The following FAM98A variants were observed in gnomAD, a reference collection of about 807,000 sequenced individuals.
FAM98A encodes protein FAM98A.
FAM98A carries 25 observed loss-of-function variants against 62.9 expected under a neutral mutation model. The ratio of observed to expected loss-of-function variants is 0.40; its 90% confidence interval spans 0.29 to 0.56. The LOEUF (loss-of-function observed/expected upper bound fraction) is 0.56, where lower values mean the gene tolerates loss of function less well. FAM98A is among the 20% of genes least tolerant of loss of function. The pLI is 0.51. For missense variants in FAM98A, 653 were observed against 640.7 expected (o/e 1.02, Z -0.21); for synonymous variants, 252 against 228.6 (o/e 1.10, Z -0.92).
rs759346950 is a variant in FAM98A, at chr2:33,587,327, C to T, written c.523-7G>A. 6 of 1,597,356 alleles carry T rather than the reference C, an allele frequency of 3.8e-6. No individual in the cohort carries two copies. In the Admixed American group the frequency reaches 1.0e-4, roughly 27 times the overall value. ...TTGCTAATGTTTCCTTTAACTGACA[C>T]AAAAACATAAATAAATGAATAAAAA... On this transcript the variant is annotated splice_polypyrimidine_tract_variant and splice_region_variant and intron_variant, in intron 4 of 7. Transcript: ENST00000238823.
intron 3 of FAM98A, among the ~76,000 whole-genome samples, chr2:33,591,147 A>G (rs1049832206): frequency 4.6e-5 from 7 of 152,178 alleles, no homozygotes; most frequent in Non-Finnish European, 8.8e-5. Flanking sequence ...GGAAGTTACA[A>G]AAGTGATTCT....
rs572315359 is a variant in FAM98A, at chr2:33,599,278, G to T, written c.-57C>A. 1.1e-5 allele frequency: 16 copies of T among 1,429,600 alleles called. No homozygotes were observed. In the South Asian group the frequency reaches 1.7e-4, roughly 15 times the overall value. 88.6% of individuals were successfully genotyped at this position (1,429,600 alleles called of 1,614,324 possible). On this transcript the variant is annotated 5_prime_UTR_variant, in exon 1 of 8. Coordinates refer to ENST00000238823, the MANE Select transcript of FAM98A (RefSeq NM_015475.5). The stretch of plus-strand genomic sequence containing the variant: ...AGGCTCCCCTCTTCGCCGGCAACGC[G>T]TACACTCGCGCATGCGCGACTTCCC...
At chr2:33,594,880 G>A (rs982469328) in intron 2 of FAM98A, among the ~76,000 whole-genome samples, 5 of 152,154 alleles carry the variant, frequency 3.3e-5, no homozygotes, top group African/African-American at 4.8e-5. Context: ...AGATGGTAGA[G>A]TGGTAGGTTC....
Position 33,585,404 on chromosome 2 carries a change from T to G in FAM98A, c.929A>C (p.Asn310Thr). The change falls in exon 8 of 8, where the codon AAT becomes ACT. Residue 310 changes from asparagine (N) to threonine (T), a missense_variant. By Grantham distance (65) the Asn-to-Thr change is moderately conservative (BLOSUM62 0). Coordinates refer to ENST00000238823, the MANE Select transcript of FAM98A (RefSeq NM_015475.5). The stretch of plus-strand genomic sequence containing the variant: ...CTCTGGGGGTGGAGGTTCGATTTCA[T>G]TGGGTCTACCACCTCTGTCAGGCAC... The part of the protein sequence containing the change: ...GRVPDRGGRP[N>T]EIEPPPPEMP... The G allele has an allele frequency of 6.2e-7, 1 of 1,614,162 alleles. No individual in the cohort carries two copies. The highest frequency in any genetic ancestry group is 1.1e-5 in the South Asian group (1 of 91,072).
chr2:33,590,476 C>A (rs1374134028), intron 3 of FAM98A, among the ~76,000 whole-genome samples: 1 of 151,912 alleles, frequency 6.6e-6, no homozygotes, highest in Admixed American at 6.6e-5. Context: ...TAGACCAAGT[C>A]AAAAATGAGT....
chr2:33,598,898 CCAGA>C (rs933017816), intron 1 of FAM98A, among the ~76,000 whole-genome samples: 14 of 152,018 alleles, frequency 9.2e-5, no homozygotes, highest in African/African-American at 2.2e-4. Flanking sequence ...AAATCAGAGC[CCAGA>C]CAATGACACG....
chr2:33,588,454 G>C lies in FAM98A; in HGVS notation c.403C>G (p.Gln135Glu). ...AAGACCTCACTACCGCCTCCTTCTT[G>C]AGCTTTTTTTGGAGGAGCATTCACA... is the stretch of plus-strand genomic sequence containing the variant. ...LCVNAPPKKA[Q>E]EGGGSEVFQE... The change falls in exon 4 of 8, where the codon CAA (glutamine) becomes GAA (glutamate). Residue 135 changes from glutamine to glutamate, a missense_variant. Coordinates refer to ENST00000238823, the MANE Select transcript of FAM98A (RefSeq NM_015475.5). 1 of 1,613,632 alleles carries C rather than the reference G, an allele frequency of 6.2e-7. No homozygotes were observed. Among genetic ancestry groups the C allele is most frequent in the Non-Finnish European group, 8.5e-7 (1 of 1,179,760 alleles).
At position 33,592,234 on chromosome 2, in the gene FAM98A, T is replaced by A; in HGVS notation, c.203-20A>T. ...TCGGACCTTTTAAGAATTAAAATAA[T>A]CTTATTTAATGATAGTGATTATTTT... On this transcript the variant is annotated intron_variant, in intron 2 of 7. Coordinates refer to ENST00000238823, the MANE Select transcript of FAM98A (RefSeq NM_015475.5). 2 of 1,572,796 alleles carry A rather than the reference T, an allele frequency of 1.3e-6. No homozygotes were observed. The highest frequency in any genetic ancestry group is 1.7e-6 in the Non-Finnish European group (2 of 1,149,754).
chr2:33,592,758 G>C (rs1677700119), intron 2 of FAM98A, among the ~76,000 whole-genome samples: 1 of 152,090 alleles, frequency 6.6e-6, no homozygotes, highest in African/African-American at 2.4e-5. Context: ...CATCCAATCT[G>C]ATTTTTTTCT....
chr2:33,597,317 G>A (rs1217415686), intron 1 of FAM98A, among the ~76,000 whole-genome samples: 1 of 152,102 alleles, frequency 6.6e-6, no homozygotes, highest in Non-Finnish European at 1.5e-5. Context: ...ACCAGAGCAA[G>A]ACCTCATCTC....
In FAM98A at chr2:33,583,711, A is replaced by G. The variant is rs1461973228; in HGVS notation, c.*1065T>C. 2 of 152,684 alleles carry G rather than the reference A, an allele frequency of 1.3e-5. No homozygotes were observed. The highest frequency in any genetic ancestry group is 2.9e-5 in the Non-Finnish European group (2 of 68,040). 9.5% of individuals were successfully genotyped at this position (152,684 alleles called of 1,614,324 possible). A position where few individuals can be genotyped will look rare whatever the true frequency, so the allele number is the denominator to read the frequency against. ...CACCTTTCACACAAAGCACACCTCC[A>G]GCCATTTTCTTTCACAGCTTGACAA... On this transcript the variant is annotated 3_prime_UTR_variant, in exon 8 of 8. Transcript: ENST00000238823.
intron 2 of FAM98A, among the ~76,000 whole-genome samples, chr2:33,594,535 TAAAA>T (rs1160445620): frequency 0.57 from 19,396 of 33,804 alleles, 6,386 homozygotes; most frequent in Admixed American, 0.67. Flanking sequence ...AACATAAAGT[TAAAA>T]AAAAAAAAAA....
At chr2:33,586,446 A>G (rs1677555477) in intron 6 of FAM98A, 116 bp downstream of exon 6, 1 of 620,022 alleles carries the variant, frequency 1.6e-6, no homozygotes, top group Non-Finnish European at 2.9e-6. Flanking sequence ...CTAAGGAAAA[A>G]TCCCTATGTG....
At chr2:33,599,061 C>A in intron 1 of FAM98A, 108 bp downstream of exon 1, 1 of 915,094 alleles carries the variant, frequency 1.1e-6, no homozygotes, top group South Asian at 1.3e-5. Context: ...CAGCCAGGAG[C>A]CACGGGGTGC....
rs181343461 is a variant in FAM98A, at chr2:33,595,973, A to G, written c.54-336T>C. On this transcript the variant is annotated intron_variant, in intron 1 of 7. Coordinates refer to ENST00000238823, the MANE Select transcript of FAM98A (RefSeq NM_015475.5). ...TCTTACTGTAATTGAATTGAGTATT[A>G]AAAGCAAATTAACAAGTAATAGCTA... Among the ~76,000 whole-genome samples the G allele has an allele frequency of 1.4e-3, 209 of 152,356 alleles. 1 individual carries two copies. The highest frequency in any genetic ancestry group is 4.6e-3 in the African/African-American group (193 of 41,584).
In FAM98A at chr2:33,592,104, G is replaced by C; in HGVS notation, c.313C>G (p.Gln105Glu). The C allele has an allele frequency of 6.2e-7, 1 of 1,613,372 alleles. No homozygotes were observed. The highest frequency in any genetic ancestry group is 8.5e-7 in the Non-Finnish European group (1 of 1,179,518). Residue 105 changes from glutamine to glutamate, a missense_variant, in exon 3 of 8, where the codon CAG (glutamine) becomes GAG (glutamate). Coordinates refer to ENST00000238823, the MANE Select transcript of FAM98A (RefSeq NM_015475.5). ...SGDVTKRLLIQKNCLLLLTYL... is the reference protein window; with the variant it reads ...SGDVTKRLLIEKNCLLLLTYL... The stretch of plus-strand genomic sequence containing the variant: ...CTGAGCAAGAGGAGGCAGTTCTTCT[G>C]AATGAGAAGGCGCTTGGTCACATCC...
chr2:33,589,552 A>G (rs1185588339), intron 3 of FAM98A: 1 of 152,204 alleles, frequency 6.6e-6, no homozygotes, highest in Non-Finnish European at 1.5e-5. Flanking sequence ...AGAAGGACAG[A>G]GGCCATAATT....
chr2:33,588,345 A>T lies in FAM98A; in HGVS notation c.512T>A (p.Ile171Asn). Reference protein sequence around the residue: ...NITMFQFFSGIEKKLKETLAK... With the variant: ...NITMFQFFSGNEKKLKETLAK... Reference sequence around the variant, plus strand: ...TACTAAAGGTCTTACTTTTTTTTCAATCCCGCTGAAGAATTGGAACATAGT... The same window carrying T: ...TACTAAAGGTCTTACTTTTTTTTCATTCCCGCTGAAGAATTGGAACATAGT... Residue 171 changes from isoleucine (I) to asparagine (N), a missense_variant, in exon 4 of 8, where the codon ATT becomes AAT. By Grantham distance (149) the Ile-to-Asn change is moderately radical (BLOSUM62 -3). Transcript: ENST00000238823. 1 of 1,606,118 alleles carries T rather than the reference A, an allele frequency of 6.2e-7. No homozygotes were observed.
At chr2:33,585,958 T>A (rs1677538890) in intron 6 of FAM98A, among the ~76,000 whole-genome samples, 1 of 152,168 alleles carries the variant, frequency 6.6e-6, no homozygotes, top group Non-Finnish European at 1.5e-5. Context: ...CCCTTTAGGG[T>A]TATGAGGCCA....
Sources: allele counts gnomAD v4.1 joint callset (sites outside exome capture counted in the v4.1 genomes callset), GRCh38; gene constraint gnomAD v4.1.1; transcripts MANE v1.5; gene names NCBI Gene and HGNC (gene_info 2026-07-23, HGNC 2026-07-21).